Variants in REDIC1 observed in about 807,000 individuals in gnomAD.
REDIC1 encodes HEI10 Interacting Protein 1.
At chr12:39,824,227 G>T in the REDIC1 span, among the ~76,000 whole-genome samples, 3 of 152,154 alleles carry the variant, frequency 2.0e-5, no homozygotes, top group Non-Finnish European at 4.4e-5. Context: ...CAGGGGTTTT[G>T]AATGGTCCTA....
the REDIC1 span, among the ~76,000 whole-genome samples, chr12:39,659,241 AT>A: frequency 6.6e-6 from 1 of 151,760 alleles, no homozygotes; most frequent in East Asian, 1.9e-4. Flanking sequence ...TTCTGTCATG[AT>A]TTTTTAAACA....
chr12:39,668,594 G>A, the REDIC1 span, among the ~76,000 whole-genome samples: 5 of 151,502 alleles, frequency 3.3e-5, no homozygotes, highest in Admixed American at 6.6e-5. Context: ...TCTGTTAAAT[G>A]TTGGCCTGCC....
At chr12:39,830,387 G>A in the REDIC1 span, 3 of 1,387,450 alleles carry the variant, frequency 2.2e-6, no homozygotes, top group Non-Finnish European at 2.8e-6. Context: ...CGCTGAGCCA[G>A]GTGAGAGCTG....
At chr12:39,640,492 A>T in the REDIC1 span, among the ~76,000 whole-genome samples, 2 of 151,958 alleles carry the variant, frequency 1.3e-5, no homozygotes, top group Non-Finnish European at 2.9e-5. Context: ...ATATTAACGT[A>T]ACTGATGTTG....
the REDIC1 span, among the ~76,000 whole-genome samples, chr12:39,712,665 A>T: frequency 6.9e-6 from 1 of 144,142 alleles, no homozygotes; most frequent in African/African-American, 2.5e-5. Flanking sequence ...ATATGTATGT[A>T]TACATGTGTA....
At chr12:39,777,715 C>T in the REDIC1 span, among the ~76,000 whole-genome samples, 13 of 152,172 alleles carry the variant, frequency 8.5e-5, no homozygotes, top group Non-Finnish European at 1.8e-4. Context: ...TCGAGAGGAA[C>T]GCACCAACAG....
At chr12:39,755,551 A>G in the REDIC1 span, 3 of 152,092 alleles carry the variant, frequency 2.0e-5, no homozygotes, top group South Asian at 6.2e-4. Context: ...CTTTGGCTAG[A>G]GTTGTCTCTT....
At chr12:39,659,946 T>A in the REDIC1 span, among the ~76,000 whole-genome samples, 1 of 152,128 alleles carries the variant, frequency 6.6e-6, no homozygotes, top group South Asian at 2.1e-4. Context: ...GGCTTGCTTT[T>A]AAATTTTGTC....
the REDIC1 span, among the ~76,000 whole-genome samples, chr12:39,784,827 A>G: frequency 4.6e-5 from 7 of 152,202 alleles, no homozygotes; most frequent in African/African-American, 7.2e-5. Context: ...GACTCTTGTT[A>G]TGTTTTAGCA....
chr12:39,895,057 T>TG, the REDIC1 span, among the ~76,000 whole-genome samples: 1 of 151,982 alleles, frequency 6.6e-6, no homozygotes, highest in South Asian at 2.1e-4. Context: ...GTTTTTGAGA[T>TG]GGGGTCTCAC....
the REDIC1 span, chr12:39,721,108 G>GA: frequency 1.4e-5 from 23 of 1,613,586 alleles, no homozygotes; most frequent in African/African-American, 2.7e-4. Flanking sequence ...TGTAATGGAG[G>GA]AAAAATTAGA....
the REDIC1 span, among the ~76,000 whole-genome samples, chr12:39,743,422 C>T: frequency 6.6e-6 from 1 of 152,274 alleles, no homozygotes; most frequent in South Asian, 2.1e-4. Flanking sequence ...ATCAGAGTTC[C>T]TTTAGCCCAG....
At chr12:39,657,024 G>T in the REDIC1 span, among the ~76,000 whole-genome samples, 1 of 152,106 alleles carries the variant, frequency 6.6e-6, no homozygotes, top group Non-Finnish European at 1.5e-5. Context: ...TTAGTGAAGC[G>T]TAAGTGTAGA....
chr12:39,842,390 C>T, the REDIC1 span, among the ~76,000 whole-genome samples: 1 of 152,048 alleles, frequency 6.6e-6, no homozygotes, highest in Admixed American at 6.6e-5. Flanking sequence ...GACTTCAAAT[C>T]AGATATTTTT....
the REDIC1 span, among the ~76,000 whole-genome samples, chr12:39,761,703 G>C: frequency 9.2e-5 from 14 of 151,950 alleles, no homozygotes; most frequent in African/African-American, 3.1e-4. Context: ...GGTAGGAAGA[G>C]AAATGGAATC....
the REDIC1 span, among the ~76,000 whole-genome samples, chr12:39,781,815 G>A: frequency 6.6e-6 from 1 of 152,212 alleles, no homozygotes; most frequent in Non-Finnish European, 1.5e-5. Context: ...ATGGACAAAA[G>A]TTAGTGGGTG....
chr12:39,731,723 C>G, the REDIC1 span, among the ~76,000 whole-genome samples: 1 of 152,082 alleles, frequency 6.6e-6, no homozygotes, highest in East Asian at 1.9e-4. Flanking sequence ...CAGGCAGGAA[C>G]ATTTAACTCC....
the REDIC1 span, among the ~76,000 whole-genome samples, chr12:39,761,596 G>A: frequency 6.8e-6 from 1 of 146,392 alleles, no homozygotes; most frequent in African/African-American, 2.5e-5. Flanking sequence ...GGGTGATACT[G>A]ATAAGCTAGC....
the REDIC1 span, among the ~76,000 whole-genome samples, chr12:39,774,321 A>C: frequency 6.6e-6 from 1 of 152,190 alleles, no homozygotes; most frequent in Non-Finnish European, 1.5e-5. Flanking sequence ...ACTTCCGGGC[A>C]TCCCTTCAAA....
Sources: gnomAD v4.1 joint callset for allele counts (sites outside exome capture counted in the v4.1 genomes callset) on GRCh38, gnomAD v4.1.1 for gene constraint, MANE v1.5 for transcripts, NCBI Gene and HGNC (gene_info 2026-07-23, HGNC 2026-07-21) for gene names.